Variants in GALNT13 observed in about 807,000 individuals in gnomAD.
GALNT13 encodes the protein polypeptide N-acetylgalactosaminyltransferase 13.
Under a neutral mutation model 64.2 loss-of-function variants are expected in GALNT13, and 28 were observed. That is an observed-to-expected ratio of 0.44 (90% CI 0.32 to 0.60). The LOEUF is 0.60. Among genes scored for constraint, GALNT13 ranks in the 20% least tolerant of loss-of-function variants. The pLI is 0.05. For synonymous variants in GALNT13, 214 were observed against 224.6 expected, an observed-to-expected ratio of 0.95 and a Z score of 0.42; for missense variants, 577 against 669.8, an observed-to-expected ratio of 0.86 and a Z score of 1.53.
the GALNT13 span, among the ~76,000 whole-genome samples, chr2:153,265,074 C>G: frequency 1.3e-5 from 2 of 152,164 alleles, no homozygotes; most frequent in Admixed American, 6.5e-5. Flanking sequence ...TTTACTGTCC[C>G]TTCTCTTCTT....
chr2:154,058,245 A>G (rs900077144), intron 3 of GALNT13, among the ~76,000 whole-genome samples: 1 of 151,928 alleles, frequency 6.6e-6, no homozygotes, highest in African/African-American at 2.4e-5. Flanking sequence ...AGCTCTTACC[A>G]GAACCCAATC....
At chr2:153,314,041 A>G in the GALNT13 span, among the ~76,000 whole-genome samples, 24 of 152,310 alleles carry the variant, frequency 1.6e-4, no homozygotes, top group African/African-American at 5.1e-4. Flanking sequence ...CTAAGAAAAT[A>G]TGAGAACAAT....
At chr2:154,456,478 G>C (rs1383649058), downstream of GALNT13, among the ~76,000 whole-genome samples, 1 of 151,800 alleles carries the variant, frequency 6.6e-6, no homozygotes, top group Non-Finnish European at 1.5e-5. Context: ...ATTTCAAATA[G>C]ATAAACAACG....
chr2:154,112,673 C>T (rs755887501), intron 3 of GALNT13, among the ~76,000 whole-genome samples: 1 of 152,202 alleles, frequency 6.6e-6, no homozygotes, highest in Non-Finnish European at 1.5e-5. Context: ...GCTTGAAGTT[C>T]TGCCCACTGG....
At chr2:153,417,741 G>C in the GALNT13 span, among the ~76,000 whole-genome samples, 3 of 152,252 alleles carry the variant, frequency 2.0e-5, no homozygotes, top group East Asian at 5.8e-4. Flanking sequence ...TATTAAATTT[G>C]AGATGTCCAT....
intron 4 of GALNT13, among the ~76,000 whole-genome samples, chr2:154,203,410 TTG>T (rs1238668472): frequency 6.6e-6 from 1 of 152,168 alleles, no homozygotes; most frequent in Non-Finnish European, 1.5e-5. Flanking sequence ...TGTAACAGAA[TTG>T]TCTTTCCTAT....
intron 9 of GALNT13, among the ~76,000 whole-genome samples, chr2:154,372,799 A>G (rs1458931280): frequency 7.4e-6 from 1 of 135,572 alleles, no homozygotes; most frequent in Non-Finnish European, 1.6e-5. Flanking sequence ...GAGTTTTCAC[A>G]GTGTGCATAC....
the GALNT13 span, among the ~76,000 whole-genome samples, chr2:153,805,369 A>G: frequency 0.011 from 1,623 of 152,258 alleles, 15 homozygotes; most frequent in Middle Eastern, 0.02. Context: ...AGAAATTAAA[A>G]TGTGAGCCGC....
At chr2:153,489,421 A>G in the GALNT13 span, among the ~76,000 whole-genome samples, 2 of 152,190 alleles carry the variant, frequency 1.3e-5, no homozygotes. Flanking sequence ...CTTTTCAATA[A>G]TTGACTCTTA....
the GALNT13 span, among the ~76,000 whole-genome samples, chr2:153,678,493 CAAA>C: frequency 6.6e-6 from 1 of 151,852 alleles, no homozygotes; most frequent in Non-Finnish European, 1.5e-5. Context: ...CACACGGACA[CAAA>C]GAAGGAAACA....
rs924287310 is a variant in GALNT13, at chr2:154,206,532, C to T, written c.312-35498C>T. Among the ~76,000 whole-genome samples, 42 of 151,854 alleles carry T rather than the reference C, an allele frequency of 2.8e-4. No individual in the cohort carries two copies. The Middle Eastern group carries it at 0.017, about 61-fold the overall frequency. ...AACGGGGGTCGGGCGCGGTGGCTCA[C>T]GCCTGTAAACCTAGCACTTTGGGAG... On this transcript the variant is annotated intron_variant, in intron 4 of 12. Coordinates refer to ENST00000392825, the MANE Select transcript of GALNT13 (RefSeq NM_052917.4).
the GALNT13 span, among the ~76,000 whole-genome samples, chr2:153,082,981 A>G: frequency 6.6e-6 from 1 of 151,638 alleles, no homozygotes; most frequent in Non-Finnish European, 1.5e-5. Flanking sequence ...GGTGCACACC[A>G]CCATGCCTAG....
chr2:154,131,942 G>A (rs1347220707), intron 3 of GALNT13, among the ~76,000 whole-genome samples: 1 of 152,202 alleles, frequency 6.6e-6, no homozygotes, highest in East Asian at 1.9e-4. Flanking sequence ...AGAGCTTGGA[G>A]TACCATGTTC....
the GALNT13 span, among the ~76,000 whole-genome samples, chr2:153,448,084 G>C: frequency 6.6e-6 from 1 of 151,368 alleles, no homozygotes; most frequent in Admixed American, 6.5e-5. Flanking sequence ...TGCAAAGCCA[G>C]AATTTTAACT....
the GALNT13 span, among the ~76,000 whole-genome samples, chr2:153,291,927 GT>G: frequency 6.6e-6 from 1 of 152,100 alleles, no homozygotes; most frequent in Non-Finnish European, 1.5e-5. Context: ...TGTCTAGCCA[GT>G]TCACTATGAA....
chr2:153,253,385 T>G, the GALNT13 span, among the ~76,000 whole-genome samples: 1 of 110,370 alleles, frequency 9.1e-6, no homozygotes, highest in Non-Finnish European at 1.9e-5. Context: ...CAATGGGGTT[T>G]TCTAGATATA....
the GALNT13 span, among the ~76,000 whole-genome samples, chr2:153,283,734 T>C: frequency 6.6e-6 from 1 of 152,140 alleles, no homozygotes; most frequent in Non-Finnish European, 1.5e-5. Flanking sequence ...CCACAGTCTC[T>C]GCATAGGAAG....
chr2:153,964,686 C>G (rs1693204181), intron 3 of GALNT13, among the ~76,000 whole-genome samples: 1 of 151,614 alleles, frequency 6.6e-6, no homozygotes, highest in South Asian at 2.1e-4. Context: ...TGTTAAATTT[C>G]TTTCAAAAAA....
At chr2:153,747,471 A>G in the GALNT13 span, among the ~76,000 whole-genome samples, 174 of 121,892 alleles carry the variant, frequency 1.4e-3, 2 homozygotes, top group Non-Finnish European at 1.6e-3. Context: ...ACTCTCGCCC[A>G]GGCTGGAGTG....
Sources: allele counts gnomAD v4.1 joint callset (sites outside exome capture counted in the v4.1 genomes callset), GRCh38; gene constraint gnomAD v4.1.1; transcripts MANE v1.5; gene names NCBI Gene and HGNC (gene_info 2026-07-23, HGNC 2026-07-21).